The following ELMO1 variants were observed in gnomAD, a reference collection of about 807,000 sequenced individuals.
ELMO1 encodes engulfment and cell motility protein 1.
ELMO1 carries 26 observed loss-of-function variants against 98.9 expected under a neutral mutation model. The observed-to-expected ratio is 0.26, with a 90% confidence interval of 0.19 to 0.36. The LOEUF is 0.36. Ranked by LOEUF, ELMO1 falls within the 10% of genes least tolerant of loss-of-function variation. The pLI, the probability that ELMO1 is intolerant of heterozygous loss-of-function variation, is 1.00. For missense variants in ELMO1, 627 were observed against 935.2 expected (o/e 0.67, Z 4.30); for synonymous variants, 346 against 346.0 (o/e 1.00, Z 0.00).
At chr7:37,132,689 C>A (rs900222494) in intron 14 of ELMO1, among the ~76,000 whole-genome samples, 1 of 152,196 alleles carries the variant, frequency 6.6e-6, no homozygotes. Flanking sequence ...ACGAGTCTGA[C>A]GTGAAATGTA....
intron 16 of ELMO1, among the ~76,000 whole-genome samples, chr7:36,988,504 A>G (rs1791660952): frequency 6.6e-6 from 1 of 152,182 alleles, no homozygotes; most frequent in Non-Finnish European, 1.5e-5. Context: ...CAACCTGCAG[A>G]CTCTAATAGA....
intron 4 of ELMO1, among the ~76,000 whole-genome samples, chr7:37,276,483 C>A (rs966968351): frequency 5.5e-4 from 83 of 152,004 alleles, no homozygotes; most frequent in African/African-American, 1.9e-3. Flanking sequence ...TGGTGGCAGG[C>A]GCCTGTAGTC....
Position 37,175,708 on chromosome 7 carries a change from G to A in ELMO1, c.1086+35678C>T, listed in dbSNP as rs182338858. Among the ~76,000 whole-genome samples, 9 of 152,238 alleles carry A rather than the reference G, an allele frequency of 5.9e-5. No individual in the cohort carries two copies. The South Asian group carries it at 1.0e-3, about 18-fold the overall frequency. Reference sequence around the variant, plus strand: ...TAAACATACAAAAAATTAGCTGGGCGTGGTGGTGCACGCCTGTAATCCCAG... The same window carrying A: ...TAAACATACAAAAAATTAGCTGGGCATGGTGGTGCACGCCTGTAATCCCAG... On this transcript the variant is annotated intron_variant, in intron 13 of 21. Coordinates refer to ENST00000310758, the MANE Select transcript of ELMO1 (RefSeq NM_014800.11).
chr7:37,037,297 G>A (rs548790057), intron 15 of ELMO1, among the ~76,000 whole-genome samples: 9 of 152,302 alleles, frequency 5.9e-5, no homozygotes, highest in Admixed American at 3.9e-4. Context: ...AGAGCCACAC[G>A]TTGTTCTGTG....
At chr7:37,341,493 C>A (rs1298411984) in intron 2 of ELMO1, among the ~76,000 whole-genome samples, 1 of 152,204 alleles carries the variant, frequency 6.6e-6, no homozygotes, top group African/African-American at 2.4e-5. Flanking sequence ...CAGTAGAAAA[C>A]TACCTCAGAG....
chr7:37,140,910 G>C (rs546367620), intron 13 of ELMO1, among the ~76,000 whole-genome samples: 1 of 152,272 alleles, frequency 6.6e-6, no homozygotes, highest in South Asian at 2.1e-4. Context: ...GCAGTGAAAA[G>C]GGAACACTTT....
At chr7:37,330,446 C>CT (rs957838955) in intron 2 of ELMO1, among the ~76,000 whole-genome samples, 14 of 151,982 alleles carry the variant, frequency 9.2e-5, no homozygotes, top group Admixed American at 2.6e-4. Flanking sequence ...TGTTTTGTTT[C>CT]TTTTTTTTCA....
At chr7:37,103,795 A>G (rs6971994) in intron 14 of ELMO1, among the ~76,000 whole-genome samples, 151,584 of 151,590 alleles carry the variant, frequency 1, 75,789 homozygotes, top group Middle Eastern at 1. Context: ...AGGAGATCAA[A>G]ACCATCCTGG....
At chr7:37,077,539 A>G (rs550217879) in intron 15 of ELMO1, among the ~76,000 whole-genome samples, 1 of 152,348 alleles carries the variant, frequency 6.6e-6, no homozygotes. Context: ...AGGATGAAGC[A>G]GGGGCGGATT....
chr7:37,008,442 C>A (rs1793300088), intron 16 of ELMO1, among the ~76,000 whole-genome samples: 1 of 151,926 alleles, frequency 6.6e-6, no homozygotes, highest in African/African-American at 2.4e-5. Context: ...ACATGGGTTA[C>A]TAATTCAGTT....
intron 1 of ELMO1, among the ~76,000 whole-genome samples, chr7:37,396,878 A>G (rs978891268): frequency 2.0e-5 from 3 of 152,242 alleles, no homozygotes; most frequent in African/African-American, 7.2e-5. Flanking sequence ...TGAAATTACT[A>G]TACATGAAAT....
At chr7:37,022,259 A>T (rs569903217) in intron 15 of ELMO1, among the ~76,000 whole-genome samples, 2 of 152,338 alleles carry the variant, frequency 1.3e-5, no homozygotes, top group South Asian at 4.1e-4. Context: ...ATTATATTAA[A>T]CTCAAGAACT....
At chr7:37,125,426 A>C (rs1056720502) in intron 14 of ELMO1, among the ~76,000 whole-genome samples, 3 of 152,256 alleles carry the variant, frequency 2.0e-5, no homozygotes, top group African/African-American at 7.2e-5. Flanking sequence ...CAAAGAACTC[A>C]AACAAATTTA....
intron 16 of ELMO1, among the ~76,000 whole-genome samples, chr7:36,951,962 G>C (rs899973402): frequency 2.0e-5 from 3 of 152,218 alleles, no homozygotes; most frequent in African/African-American, 7.2e-5. Context: ...CAAAGCAAGG[G>C]ACTCTGAAGT....
At chr7:37,070,622 C>T (rs1304968668) in intron 15 of ELMO1, among the ~76,000 whole-genome samples, 1 of 152,148 alleles carries the variant, frequency 6.6e-6, no homozygotes, top group Admixed American at 6.5e-5. Flanking sequence ...TGTGGTCCCA[C>T]GTGTCTTGAG....
At chr7:36,862,017 GA>G in intron 20 of ELMO1, 1 of 411,116 alleles carries the variant, frequency 2.4e-6, no homozygotes, top group Admixed American at 3.5e-5. Flanking sequence ...GAGGCTCAAT[GA>G]GTGTCCAAGG....
At chr7:37,200,867 C>T (rs1265855086) in intron 13 of ELMO1, among the ~76,000 whole-genome samples, 1 of 151,462 alleles carries the variant, frequency 6.6e-6, no homozygotes, top group East Asian at 1.9e-4. Flanking sequence ...GGTAGGATAG[C>T]TGGAGCCCAG....
intron 16 of ELMO1, among the ~76,000 whole-genome samples, chr7:37,001,583 A>G (rs1792673569): frequency 6.6e-6 from 1 of 152,250 alleles, no homozygotes; most frequent in Admixed American, 6.5e-5. Flanking sequence ...CTGTGGGAGT[A>G]GACATACAAA....
intron 13 of ELMO1, among the ~76,000 whole-genome samples, chr7:37,163,061 T>C (rs528182104): frequency 2.6e-5 from 4 of 152,358 alleles, no homozygotes; most frequent in African/African-American, 9.6e-5. Context: ...ATAATTTTTC[T>C]TAACCCATTG....
Sources: allele counts gnomAD v4.1 joint callset (sites outside exome capture counted in the v4.1 genomes callset), GRCh38; gene constraint gnomAD v4.1.1; transcripts MANE v1.5; gene names NCBI Gene and HGNC (gene_info 2026-07-23, HGNC 2026-07-21).